The following SGPP2 variants were observed in gnomAD, a reference collection of about 807,000 sequenced individuals.
SGPP2 encodes sphingosine 1-phosphate phosphohydrolase 2.
Under a neutral mutation model 33.9 loss-of-function variants are expected in SGPP2, and 30 were observed. That is an observed-to-expected ratio of 0.89 (90% CI 0.66 to 1.20). The LOEUF is 1.20. Among genes scored for constraint, SGPP2 ranks in the 50% most tolerant of loss-of-function variants. The pLI is 0.00. For missense variants in SGPP2, 458 were observed against 532.1 expected, an observed-to-expected ratio of 0.86 and a Z score of 1.37; for synonymous variants, 233 against 225.0, an observed-to-expected ratio of 1.04 and a Z score of -0.32.
chr2:222,519,753 G>A (rs1698655679), intron 2 of SGPP2, among the ~76,000 whole-genome samples: 1 of 152,156 alleles, frequency 6.6e-6, no homozygotes, highest in South Asian at 2.1e-4. Context: ...AGTTATAAGT[G>A]AGAACATGTG....
intron 1 of SGPP2, among the ~76,000 whole-genome samples, chr2:222,466,931 G>A (rs952401448): frequency 4.6e-5 from 7 of 152,156 alleles, no homozygotes; most frequent in African/African-American, 7.2e-5. Context: ...TCTGGGCTCA[G>A]TTCCTGTGTT....
intron 4 of SGPP2, among the ~76,000 whole-genome samples, chr2:222,534,488 T>C (rs969203917): frequency 1.3e-5 from 2 of 152,230 alleles, no homozygotes; most frequent in African/African-American, 4.8e-5. Flanking sequence ...TTAGTTTTGG[T>C]TGGAGTCAGA....
intron 1 of SGPP2, among the ~76,000 whole-genome samples, chr2:222,457,737 C>T (rs1697593473): frequency 6.6e-6 from 1 of 152,174 alleles, no homozygotes; most frequent in Non-Finnish European, 1.5e-5. Flanking sequence ...TATGTTCCCG[C>T]ATGAACAGCC....
At chr2:222,458,897 G>A (rs1697613741) in intron 1 of SGPP2, among the ~76,000 whole-genome samples, 2 of 152,116 alleles carry the variant, frequency 1.3e-5, no homozygotes, top group Middle Eastern at 3.2e-3. Context: ...CCCTATACAT[G>A]TGTACATATT....
At chr2:222,549,797 T>C (rs1689260802) in intron 4 of SGPP2, among the ~76,000 whole-genome samples, 1 of 152,140 alleles carries the variant, frequency 6.6e-6, no homozygotes, top group Non-Finnish European at 1.5e-5. Context: ...GCAAACTGAA[T>C]TAAAGGTTGA....
intron 1 of SGPP2, among the ~76,000 whole-genome samples, chr2:222,447,228 C>T (rs1462504317): frequency 6.6e-6 from 1 of 152,174 alleles, no homozygotes; most frequent in Non-Finnish European, 1.5e-5. Flanking sequence ...AAAACAAAAG[C>T]ATATCCAGAA....
intron 2 of SGPP2, among the ~76,000 whole-genome samples, chr2:222,500,247 G>A (rs1350697789): frequency 6.6e-6 from 1 of 152,136 alleles, no homozygotes; most frequent in Non-Finnish European, 1.5e-5. Flanking sequence ...GCACCACTGG[G>A]ATGGAGGGGT....
chr2:222,500,255 G>T (rs961406247), intron 2 of SGPP2, among the ~76,000 whole-genome samples: 1 of 151,898 alleles, frequency 6.6e-6, no homozygotes, highest in African/African-American at 2.4e-5. Context: ...GGGATGGAGG[G>T]GTGAGTGGGG....
At chr2:222,433,356 C>T (rs1255881550) in intron 1 of SGPP2, among the ~76,000 whole-genome samples, 1 of 152,048 alleles carries the variant, frequency 6.6e-6, no homozygotes, top group Admixed American at 6.6e-5. Context: ...TCTCGCAGTG[C>T]AACCAGAATG....
chr2:222,557,915 G>C (rs558780529), intron 4 of SGPP2, among the ~76,000 whole-genome samples: 1 of 152,230 alleles, frequency 6.6e-6, no homozygotes, highest in Non-Finnish European at 1.5e-5. Flanking sequence ...TGTATATTTG[G>C]CTCCCCCAGA....
At chr2:222,524,506 C>T (rs538271758) in intron 3 of SGPP2, among the ~76,000 whole-genome samples, 17 of 152,342 alleles carry the variant, frequency 1.1e-4, no homozygotes, top group South Asian at 4.1e-4. Context: ...CCTCCTTCTA[C>T]GGAGGAGGAG....
chr2:222,432,648 T>C (rs1195702368), intron 1 of SGPP2, among the ~76,000 whole-genome samples: 2 of 151,340 alleles, frequency 1.3e-5, no homozygotes, highest in African/African-American at 2.4e-5. Flanking sequence ...AAGAGGGAGG[T>C]TGTAAAGAAA....
At chr2:222,487,608 A>G (rs1698131309) in intron 2 of SGPP2, among the ~76,000 whole-genome samples, 1 of 152,066 alleles carries the variant, frequency 6.6e-6, no homozygotes, top group East Asian at 1.9e-4. Flanking sequence ...TAGAGAAGAC[A>G]CCAGGTTCAG....
chr2:222,459,122 T>TTTTCTTTCTTTCTTTCTTTCTTTC (rs1276411843), intron 1 of SGPP2, among the ~76,000 whole-genome samples: 10 of 138,934 alleles, frequency 7.2e-5, no homozygotes, highest in Middle Eastern at 4.2e-3. Context: ...ACACACTTTT[T>TTTTCTTTCTTTCTTTCTTTCTTTC]TTTCTTTCTT....
At chr2:222,520,934 AT>A (rs1698676755) in intron 2 of SGPP2, among the ~76,000 whole-genome samples, 1 of 151,866 alleles carries the variant, frequency 6.6e-6, no homozygotes, top group Non-Finnish European at 1.5e-5. Context: ...AAATTTTAAA[AT>A]TTTTTGTAGA....
intron 2 of SGPP2, among the ~76,000 whole-genome samples, chr2:222,490,622 T>C (rs1436392726): frequency 6.9e-5 from 10 of 145,430 alleles, no homozygotes; most frequent in African/African-American, 2.2e-4. Flanking sequence ...TTTTTTTTTT[T>C]TTTGTAAAGG....
intron 2 of SGPP2, among the ~76,000 whole-genome samples, chr2:222,481,790 C>T (rs1465421016): frequency 6.6e-6 from 1 of 152,144 alleles, no homozygotes; most frequent in African/African-American, 2.4e-5. Context: ...TGCCTGAACT[C>T]CAGTAAAGTT....
intron 4 of SGPP2, among the ~76,000 whole-genome samples, chr2:222,551,321 C>T (rs2106155403): frequency 6.6e-6 from 1 of 152,214 alleles, no homozygotes; most frequent in South Asian, 2.1e-4. Flanking sequence ...CTGTGCCAAG[C>T]ACTATGCAGC....
chr2:222,527,282 CA>C (rs199827851), intron 4 of SGPP2, among the ~76,000 whole-genome samples: 68 of 148,932 alleles, frequency 4.6e-4, no homozygotes, highest in African/African-American at 1.4e-3. Context: ...CACTGAGAAA[CA>C]AAAAAAAAAT....
Sources: allele counts gnomAD v4.1 joint callset (sites outside exome capture counted in the v4.1 genomes callset), GRCh38; gene constraint gnomAD v4.1.1; transcripts MANE v1.5; gene names NCBI Gene and HGNC (gene_info 2026-07-23, HGNC 2026-07-21).